The following CDK12 variants were observed in gnomAD, a reference collection of about 807,000 sequenced individuals.
The protein encoded by CDK12 is cyclin dependent kinase 12.
In CDK12, 17 loss-of-function variants were observed where a neutral mutation model predicts 133.8. The observed-to-expected ratio is 0.13, with a 90% CI of 0.09 to 0.19. The LOEUF is 0.19. Among genes scored for constraint, CDK12 ranks in the 10% least tolerant of loss-of-function variants. CDK12 has a pLI of 1.00. For missense variants in CDK12, 1,508 were observed against 1,818.7 expected (o/e 0.83, Z 3.11); for synonymous variants, 694 against 683.6 (o/e 1.02, Z -0.24).
At chr17:39,515,254 A>G (rs566314003) in intron 8 of CDK12, among the ~76,000 whole-genome samples, 1 of 152,324 alleles carries the variant, frequency 6.6e-6, no homozygotes, top group Admixed American at 6.5e-5. Flanking sequence ...CTAGCTGATG[A>G]CAGTAAATTA....
Position 39,470,953 on chromosome 17 carries a change from G to C in CDK12, c.1121G>C (p.Arg374Thr). The part of the protein sequence containing the change: ...RHSSSHSKKK[R>T]SSSRSRHSSI... Reference sequence around the variant, plus strand: ...TCATCTTCTCATAGTAAAAAGAAGAGATCCAGTTCACGCAGTCGTCATTCC... The same window carrying C: ...TCATCTTCTCATAGTAAAAAGAAGACATCCAGTTCACGCAGTCGTCATTCC... The change falls in exon 2 of 14, where the codon AGA becomes ACA. Residue 374 changes from arginine (R) to threonine (T), a missense_variant. Physicochemically the swap from Arg to Thr is moderately conservative, Grantham distance 71 (BLOSUM62 -1). This residue lies in a region of CDK12 where 460 missense variants were observed against 490.8 expected (regional missense o/e 0.94). Transcript: ENST00000447079. 1 of 1,614,068 alleles carries C rather than the reference G, an allele frequency of 6.2e-7. No homozygotes were observed. Among genetic ancestry groups the C allele is most frequent in the Non-Finnish European group, 8.5e-7 (1 of 1,179,932 alleles).
upstream of CDK12, among the ~76,000 whole-genome samples, chr17:39,548,595 A>G (rs1033409694): frequency 1.3e-5 from 2 of 152,204 alleles, no homozygotes; most frequent in African/African-American, 4.8e-5. Context: ...CTCCAGCACA[A>G]ACCTATAGAA....
chr17:39,471,784 G>C, intron 2 of CDK12, 21 bp downstream of exon 2: 2 of 1,569,996 alleles, frequency 1.3e-6, no homozygotes, highest in Middle Eastern at 1.7e-4. Flanking sequence ...TAGTGAACTG[G>C]AAAAAACCCC....
Position 39,506,076 on chromosome 17 carries a change from A to C in CDK12, c.2610-3629A>C, listed in dbSNP as rs377314799. On this transcript the variant is annotated intron_variant, in intron 6 of 13. Transcript: ENST00000447079. ...ATTAGAGCATTAAGGAGAATGCCAGAGGTCTGTAATGACAGCCATGTTGAA... is the reference window on the plus strand; with the variant it reads ...ATTAGAGCATTAAGGAGAATGCCAGCGGTCTGTAATGACAGCCATGTTGAA... 8.1e-4 allele frequency among the ~76,000 whole-genome samples: 124 copies of C among 152,292 alleles called. 1 individual carries two copies. The highest frequency in any genetic ancestry group is 2.9e-3 in the African/African-American group (119 of 41,548).
In CDK12 at chr17:39,532,249, TAAAG is replaced by T. The variant is rs1053058191; in HGVS notation, c.*934_*937del. On this transcript the variant is annotated 3_prime_UTR_variant, in exon 14 of 14. Coordinates refer to ENST00000447079, the MANE Select transcript of CDK12 (RefSeq NM_016507.4). ...GGATAATTCTTTACTTTTTTTGAAATAAAGGAAAGGAAATTCAGACTCTTACATT... is the reference window on the plus strand; with the variant it reads ...GGATAATTCTTTACTTTTTTTGAAATGAAAGGAAATTCAGACTCTTACATT... The T allele has an allele frequency of 1.7e-5, 4 of 233,116 alleles. No homozygotes were observed. Among genetic ancestry groups the T allele is most frequent in the African/African-American group, 2.2e-5 (1 of 45,278 alleles). 14.4% of individuals were successfully genotyped at this position (233,116 alleles called of 1,614,324 possible). A position where few individuals can be genotyped will look rare whatever the true frequency, so the allele number is the denominator to read the frequency against.
intron 2 of CDK12, among the ~76,000 whole-genome samples, chr17:39,554,685 C>T (rs2056082535): frequency 6.6e-6 from 1 of 151,210 alleles, no homozygotes; most frequent in African/African-American, 2.4e-5. Context: ...TAGAGACCCT[C>T]CTGACCAACA....
intron 11 of CDK12, among the ~76,000 whole-genome samples, chr17:39,520,684 G>C (rs999821111): frequency 4.0e-5 from 5 of 126,026 alleles, no homozygotes; most frequent in Non-Finnish European, 7.1e-5. Context: ...ACTGCGTCCA[G>C]CGTGTTTTTG....
chr17:39,464,327 C>T (rs2049144380), intron 1 of CDK12, among the ~76,000 whole-genome samples: 1 of 151,812 alleles, frequency 6.6e-6, no homozygotes, highest in East Asian at 1.9e-4. Flanking sequence ...CTCAAGCAAT[C>T]CGTCCACCTC....
intron 1 of CDK12, among the ~76,000 whole-genome samples, chr17:39,466,679 A>G (rs925130483): frequency 1.4e-5 from 2 of 144,648 alleles, no homozygotes; most frequent in African/African-American, 2.5e-5. Context: ...TACTCACATA[A>G]TTTAGTCAGT....
At chr17:39,530,510 T>C in intron 13 of CDK12, 94 bp from the exon 14 acceptor site, 2 of 1,471,384 alleles carry the variant, frequency 1.4e-6, no homozygotes, top group Admixed American at 2.4e-5. Context: ...GTTACTTATA[T>C]TGATATTTGT....
rs369368114 is a variant in CDK12, at chr17:39,530,742, C to T, written c.3899C>T (p.Ala1300Val). 14 of 1,614,070 alleles carry T rather than the reference C, an allele frequency of 8.7e-6. No homozygotes were observed. The African/African-American group carries it at 1.5e-4, about 17-fold the overall frequency. Reference protein sequence around the residue: ...PQELNPAVTAALLQLLSQPEA... With the variant: ...PQELNPAVTAVLLQLLSQPEA... The stretch of plus-strand genomic sequence containing the variant: ...GAGTTGAACCCAGCCGTGACAGCCG[C>T]CTTGCTGCAACTTTTATCCCAGCCT... The change falls in exon 14 of 14, where the codon GCC becomes GTC. Residue 1300 changes from alanine to valine, a missense_variant. Transcript: ENST00000447079.
intron 3 of CDK12, chr17:39,564,684 A>C (rs1172044880): frequency 6.6e-6 from 1 of 152,222 alleles, no homozygotes; most frequent in Non-Finnish European, 1.5e-5. Context: ...GAGATAAAAT[A>C]TCTGTGTCTA....
At chr17:39,476,977 G>A (rs935564376) in intron 2 of CDK12, among the ~76,000 whole-genome samples, 2 of 151,022 alleles carry the variant, frequency 1.3e-5, no homozygotes, top group African/African-American at 2.4e-5. Flanking sequence ...GGCTTCCAAC[G>A]TGCTGGAATT....
intron 6 of CDK12, among the ~76,000 whole-genome samples, chr17:39,502,755 CAGTG>C (rs781061888): frequency 1.1e-4 from 16 of 152,106 alleles, no homozygotes; most frequent in Admixed American, 3.3e-4. Context: ...GAAAAACTGA[CAGTG>C]GGTGGGTGAT....
chr17:39,530,776 G>A lies in CDK12; in HGVS notation c.3933G>A (p.Glu1311=). Residue 1311 remains glutamate (E), a synonymous_variant, in exon 14 of 14, where the codon GAG becomes GAA. Coordinates refer to ENST00000447079, the MANE Select transcript of CDK12 (RefSeq NM_016507.4). Reference sequence around the variant, plus strand: ...AACTTTTATCCCAGCCTGAAGCAGAGCCTCCTGGCCACCTGCCACATGAGC... The same window carrying A: ...AACTTTTATCCCAGCCTGAAGCAGAACCTCCTGGCCACCTGCCACATGAGC... ...LLQLLSQPEA[E]PPGHLPHEHQ... 1 of 1,614,118 alleles carries A rather than the reference G, an allele frequency of 6.2e-7. No individual in the cohort carries two copies. The highest frequency in any genetic ancestry group is 8.5e-7 in the Non-Finnish European group (1 of 1,180,038).
chr17:39,477,842 G>A (rs557942426), intron 2 of CDK12, among the ~76,000 whole-genome samples: 26 of 151,904 alleles, frequency 1.7e-4, no homozygotes, highest in Non-Finnish European at 3.5e-4. Context: ...CAAAGTGCTG[G>A]GATTACAGGC....
intron 2 of CDK12, among the ~76,000 whole-genome samples, chr17:39,554,802 C>G (rs1378036319): frequency 6.6e-6 from 1 of 151,784 alleles, no homozygotes; most frequent in East Asian, 1.9e-4. Context: ...TCGCTTGAGC[C>G]CGGGAGGCAG....
rs377651051 is a variant in CDK12, at chr17:39,473,062, C to T, written c.1931+1299C>T. Among the ~76,000 whole-genome samples, 26 of 150,378 alleles carry T rather than the reference C, an allele frequency of 1.7e-4. No homozygotes were observed. The South Asian group carries it at 2.9e-3, about 17-fold the overall frequency. ...CTGTACTCCAGTCTGGGCGATAGAGCGAGACTCCGTCTTAAAAAAAAAAAA... is the reference window on the plus strand; with the variant it reads ...CTGTACTCCAGTCTGGGCGATAGAGTGAGACTCCGTCTTAAAAAAAAAAAA... On this transcript the variant is annotated intron_variant, in intron 2 of 13. Transcript: ENST00000447079.
chr17:39,536,782 GA>G (rs2055152619), downstream of CDK12, among the ~76,000 whole-genome samples: 1 of 152,228 alleles, frequency 6.6e-6, no homozygotes, highest in African/African-American at 2.4e-5. Context: ...AAGGCTGAGA[GA>G]AAGAGACTGA....
Sources: gnomAD v4.1 joint callset for allele counts (sites outside exome capture counted in the v4.1 genomes callset) on GRCh38, gnomAD v4.1.1 for gene constraint, gnomAD v4.1.1 regional missense constraint, MANE v1.5 for transcripts, NCBI Gene and HGNC (gene_info 2026-07-23, HGNC 2026-07-21) for gene names.